The following VPS13B variants were observed in gnomAD, a reference collection of about 807,000 sequenced individuals.
VPS13B encodes vacuolar protein sorting 13 homolog B, also known as intermembrane lipid transfer protein VPS13B.
Under a neutral mutation model 426.4 loss-of-function variants are expected in VPS13B, and 285 were observed. That is an observed-to-expected ratio of 0.67 (90% CI 0.61 to 0.74). The LOEUF is 0.74. VPS13B is among the 30% of genes least tolerant of loss of function. The pLI, the probability that VPS13B is intolerant of heterozygous loss-of-function variation, is 0.00. For synonymous variants in VPS13B, 1,676 were observed against 1,676.4 expected, an observed-to-expected ratio of 1.00 and a Z score of 0.01; for missense variants, 4,537 against 4,782.6, an observed-to-expected ratio of 0.95 and a Z score of 1.51.
intron 3 of VPS13B, among the ~76,000 whole-genome samples, chr8:99,045,092 A>C (rs1285199375): frequency 3.3e-5 from 5 of 152,200 alleles, no homozygotes; most frequent in Non-Finnish European, 5.9e-5. Context: ...TGCTGGATCA[A>C]ACGGTAGTTC....
At chr8:99,747,486 T>C (rs1162138564) in intron 39 of VPS13B, among the ~76,000 whole-genome samples, 5 of 152,100 alleles carry the variant, frequency 3.3e-5, no homozygotes, top group Admixed American at 3.3e-4. Context: ...TGCCAGATTG[T>C]ACCTTTTAGA....
chr8:99,764,660 C>T (rs541588763), intron 39 of VPS13B, among the ~76,000 whole-genome samples: 75 of 152,082 alleles, frequency 4.9e-4, no homozygotes, highest in African/African-American at 1.7e-3. Context: ...AGGTGATCCA[C>T]CCCCTTGGCC....
In VPS13B at chr8:99,294,207, G is replaced by A. The variant is rs1457222852; in HGVS notation, c.2824+18953G>A. Among the ~76,000 whole-genome samples the A allele has an allele frequency of 8.6e-5, 5 of 58,226 alleles. 1 individual carries two copies. Among genetic ancestry groups the A allele is most frequent in the Non-Finnish European group, 1.9e-4 (5 of 25,756 alleles). The allele number at this position is 58,226 out of a possible 152,430, so 38.2% of individuals were successfully genotyped here. On this transcript the variant is annotated intron_variant, in intron 19 of 61. Coordinates refer to ENST00000357162, the MANE Select transcript of VPS13B (RefSeq NM_152564.5). Reference sequence around the variant, plus strand: ...CATATACATCATGGAATACTATGCAGCCATAAAAAATGATGATTTCATGTC... The same window carrying A: ...CATATACATCATGGAATACTATGCAACCATAAAAAATGATGATTTCATGTC...
chr8:99,204,949 A>G (rs1284994917), intron 17 of VPS13B, among the ~76,000 whole-genome samples: 2 of 152,224 alleles, frequency 1.3e-5, no homozygotes, highest in Non-Finnish European at 2.9e-5. Flanking sequence ...TAGTGTGGCA[A>G]TTCCTCAAGG....
rs571274024 is a variant in VPS13B, at chr8:99,083,169, C to G, written c.292-13143C>G. On this transcript the variant is annotated intron_variant, in intron 3 of 61. Coordinates refer to ENST00000357162, the MANE Select transcript of VPS13B (RefSeq NM_152564.5). ...GTGGTTTGTAGTTCTCCTTGAAGAG[C>G]TCCTTCACATCCCTTGTAAGTTGGA... Among the ~76,000 whole-genome samples, 115 of 152,278 alleles carry G rather than the reference C, an allele frequency of 7.6e-4. 1 individual carries two copies. Among genetic ancestry groups the G allele is most frequent in the East Asian group, 7.1e-3 (37 of 5,182 alleles).
chr8:99,385,133 G>T (rs749222506), intron 20 of VPS13B, among the ~76,000 whole-genome samples: 2 of 152,134 alleles, frequency 1.3e-5, no homozygotes, highest in Non-Finnish European at 1.5e-5. Flanking sequence ...TAGTAAGTAG[G>T]CAATTATAGT....
intron 3 of VPS13B, among the ~76,000 whole-genome samples, chr8:99,078,563 C>T (rs764410732): frequency 2.2e-4 from 33 of 151,836 alleles, no homozygotes; most frequent in East Asian, 7.8e-4. Context: ...TGATGGGCTG[C>T]GCATGACAGT....
intron 34 of VPS13B, among the ~76,000 whole-genome samples, chr8:99,650,459 G>A (rs1255165714): frequency 1.3e-5 from 2 of 152,108 alleles, no homozygotes; most frequent in African/African-American, 2.4e-5. Context: ...AAATATATAT[G>A]TATAGTTAAA....
intron 19 of VPS13B, among the ~76,000 whole-genome samples, chr8:99,381,179 G>A (rs1169365657): frequency 1.3e-5 from 2 of 152,070 alleles, no homozygotes; most frequent in African/African-American, 4.8e-5. Flanking sequence ...TCCTGCATTA[G>A]TTTGCTAAGG....
At chr8:99,489,347 GT>G (rs535621282) in intron 25 of VPS13B, among the ~76,000 whole-genome samples, 18 of 143,294 alleles carry the variant, frequency 1.3e-4, no homozygotes, top group Non-Finnish European at 1.4e-4. Flanking sequence ...TTTTTGTTTT[GT>G]TTTTTTTTTT....
chr8:99,642,312 C>T lies in VPS13B; in HGVS notation c.5722C>T (p.Leu1908Phe). 1 of 1,614,126 alleles carries T rather than the reference C, an allele frequency of 6.2e-7. No homozygotes were observed. The highest frequency in any genetic ancestry group is 8.5e-7 in the Non-Finnish European group (1 of 1,180,004). ...ASTRSSARQA[L>F]GITIVRQPGR... ...CACAAGGTCATCTGCTAGACAAGCA[C>T]TTGGTATAACTATTGTTCGGCAGCC... The change falls in exon 34 of 62, where the codon CTT becomes TTT. Residue 1908 changes from leucine to phenylalanine, a missense_variant. Leu to Phe is a conservative substitution (Grantham distance 22). This residue lies in a region of VPS13B where 4,311 missense variants were observed against 4,474.3 expected (regional missense o/e 0.96). Transcript: ENST00000357162.
chr8:99,233,267 C>T, intron 17 of VPS13B: 2 of 1,180,662 alleles, frequency 1.7e-6, no homozygotes, highest in East Asian at 4.7e-5. Context: ...GTCTTGCCAC[C>T]TTTGCCAATC....
At chr8:99,026,890 G>T (rs372529246) in intron 2 of VPS13B, among the ~76,000 whole-genome samples, 2 of 150,178 alleles carry the variant, frequency 1.3e-5, no homozygotes, top group African/African-American at 4.9e-5. Context: ...TTTTTCCCCC[G>T]CTCCGAGACG....
At chr8:99,788,088 G>A (rs1335352623) in intron 43 of VPS13B, among the ~76,000 whole-genome samples, 1 of 151,918 alleles carries the variant, frequency 6.6e-6, no homozygotes, top group Non-Finnish European at 1.5e-5. Context: ...CAGGCATAGT[G>A]GTTTATGCCT....
At chr8:99,767,419 A>G (rs1811279919) in intron 40 of VPS13B, among the ~76,000 whole-genome samples, 1 of 150,004 alleles carries the variant, frequency 6.7e-6, no homozygotes, top group African/African-American at 2.4e-5. Context: ...AAATTTTAGG[A>G]ATATTTTCAT....
chr8:99,463,432 T>C (rs1467423210), intron 23 of VPS13B, among the ~76,000 whole-genome samples: 2 of 152,114 alleles, frequency 1.3e-5, no homozygotes, highest in African/African-American at 4.8e-5. Context: ...AATACTATTA[T>C]CATTATTATT....
At chr8:99,673,429 C>A (rs1830800240) in intron 35 of VPS13B, among the ~76,000 whole-genome samples, 1 of 151,768 alleles carries the variant, frequency 6.6e-6, no homozygotes, top group South Asian at 2.1e-4. Flanking sequence ...CATGTTATTC[C>A]CTAAGGATTC....
intron 4 of VPS13B, among the ~76,000 whole-genome samples, chr8:99,096,640 C>T (rs1846438350): frequency 1.3e-5 from 2 of 151,618 alleles, no homozygotes; most frequent in Non-Finnish European, 2.9e-5. Flanking sequence ...CCTGTAATCT[C>T]AGCTACTCGG....
At chr8:99,429,954 A>C (rs921168372) in intron 21 of VPS13B, among the ~76,000 whole-genome samples, 1 of 151,722 alleles carries the variant, frequency 6.6e-6, no homozygotes, top group South Asian at 2.1e-4. Flanking sequence ...TACTTTTCTC[A>C]CCCTTGCTCA....
Sources: gnomAD v4.1 joint callset for allele counts (sites outside exome capture counted in the v4.1 genomes callset) on GRCh38, gnomAD v4.1.1 for gene constraint, gnomAD v4.1.1 regional missense constraint, MANE v1.5 for transcripts, NCBI Gene and HGNC (gene_info 2026-07-23, HGNC 2026-07-21) for gene names.